Variants in SH3RF1 observed in about 807,000 individuals in gnomAD.
The protein encoded by SH3RF1 is SH3 domain containing ring finger 1, also known as E3 ubiquitin-protein ligase SH3RF1.
SH3RF1 carries 32 observed loss-of-function variants against 74.0 expected under a neutral mutation model. The ratio of observed to expected loss-of-function variants is 0.43; its 90% CI spans 0.33 to 0.58. The LOEUF (loss-of-function observed/expected upper bound fraction) is 0.58, where lower values mean the gene tolerates loss of function less well. SH3RF1 is among the 20% of genes least tolerant of loss of function. SH3RF1 has a pLI of 0.05. For synonymous variants in SH3RF1, 396 were observed against 439.6 expected, an observed-to-expected ratio of 0.90 and a Z score of 1.24; for missense variants, 954 against 1,130.9, an observed-to-expected ratio of 0.84 and a Z score of 2.24.
At chr4:169,107,476 A>G (rs1254968187) in intron 10 of SH3RF1, among the ~76,000 whole-genome samples, 1 of 152,164 alleles carries the variant, frequency 6.6e-6, no homozygotes, top group African/African-American at 2.4e-5. Context: ...TTTCTGCTAT[A>G]TATTTTTTTG....
intron 2 of SH3RF1, among the ~76,000 whole-genome samples, chr4:169,186,962 G>A (rs1289940913): frequency 2.0e-5 from 3 of 146,534 alleles, no homozygotes; most frequent in African/African-American, 5.0e-5. Flanking sequence ...TGCAGTGAGC[G>A]AAGATGGCAC....
chr4:169,139,314 C>T lies in SH3RF1; in HGVS notation c.766-2694G>A, dbSNP rs753163797. ...TACAAATGCAGAGAAATGATCTCTG[C>T]CCTTAAGGACCTTACAAACAGGCAT... On this transcript the variant is annotated intron_variant, in intron 4 of 11. Coordinates refer to ENST00000284637, the MANE Select transcript of SH3RF1 (RefSeq NM_020870.4). Among the ~76,000 whole-genome samples the T allele has an allele frequency of 6.6e-4, 101 of 152,138 alleles. 1 individual carries two copies. The highest frequency in any genetic ancestry group is 6.5e-4 in the Non-Finnish European group (44 of 68,028).
rs545099673 is a variant in SH3RF1 at position 169,228,806 on chromosome 4, C to A, written c.393+40014G>T. ...TACAGACTCACAGACATATACCACA[C>A]CCATACCCAAAAGTTTTTTAGATTT... is the stretch of plus-strand genomic sequence containing the variant. On this transcript the variant is annotated intron_variant, in intron 2 of 11. Coordinates refer to ENST00000284637, the MANE Select transcript of SH3RF1 (RefSeq NM_020870.4). 1.1e-4 allele frequency among the ~76,000 whole-genome samples: 16 copies of A among 152,238 alleles called. 1 individual carries two copies. In the South Asian group the frequency reaches 3.1e-3, roughly 30 times the overall value.
At chr4:169,106,056 T>A (rs545489595) in intron 11 of SH3RF1, among the ~76,000 whole-genome samples, 1 of 151,864 alleles carries the variant, frequency 6.6e-6, no homozygotes, top group Non-Finnish European at 1.5e-5. Flanking sequence ...TGTATATATA[T>A]GTAATGTAAA....
intron 2 of SH3RF1, among the ~76,000 whole-genome samples, chr4:169,167,418 C>T (rs1038052481): frequency 6.6e-6 from 1 of 152,126 alleles, no homozygotes; most frequent in African/African-American, 2.4e-5. Flanking sequence ...TGTACATTTA[C>T]TCTTCAATCT....
chr4:169,182,018 G>A (rs1035411567), intron 2 of SH3RF1, among the ~76,000 whole-genome samples: 3 of 152,038 alleles, frequency 2.0e-5, no homozygotes, highest in African/African-American at 7.2e-5. Flanking sequence ...TGTATCTTCA[G>A]GGTCTGGAGC....
intron 2 of SH3RF1, among the ~76,000 whole-genome samples, chr4:169,257,918 G>C (rs2110754745): frequency 6.6e-6 from 1 of 152,270 alleles, no homozygotes; most frequent in Admixed American, 6.5e-5. Flanking sequence ...CAGGCACAGT[G>C]TGGGCTTCTA....
chr4:169,141,923 C>T (rs1372040545), intron 4 of SH3RF1, among the ~76,000 whole-genome samples: 7 of 151,866 alleles, frequency 4.6e-5, no homozygotes, highest in East Asian at 1.9e-4. Flanking sequence ...CGTCATTCTC[C>T]GGCCTCAGCC....
intron 2 of SH3RF1, among the ~76,000 whole-genome samples, chr4:169,208,387 T>C (rs570544492): frequency 1.3e-5 from 2 of 152,220 alleles, no homozygotes; most frequent in South Asian, 4.1e-4. Context: ...AGTCTTGTAA[T>C]AGGCAAAGGA....
intron 2 of SH3RF1, among the ~76,000 whole-genome samples, chr4:169,172,589 G>C (rs1734348917): frequency 6.6e-6 from 1 of 152,188 alleles, no homozygotes; most frequent in Non-Finnish European, 1.5e-5. Flanking sequence ...ATGATTTAAG[G>C]AGATGTGTAT....
intron 2 of SH3RF1, among the ~76,000 whole-genome samples, chr4:169,258,997 G>A (rs781706966): frequency 1.3e-5 from 2 of 151,974 alleles, no homozygotes; most frequent in African/African-American, 2.4e-5. Context: ...CATTGCTACG[G>A]TATTATTTTG....
intron 2 of SH3RF1, 92 bp downstream of exon 2, chr4:169,268,728 G>T: frequency 7.2e-7 from 1 of 1,386,732 alleles, no homozygotes; most frequent in Non-Finnish European, 9.7e-7. Context: ...CCTAAGCAAT[G>T]AGTTGACTTC....
chr4:169,249,462 C>A (rs1373588747), intron 2 of SH3RF1, among the ~76,000 whole-genome samples: 1 of 152,120 alleles, frequency 6.6e-6, no homozygotes, highest in Admixed American at 6.5e-5. Context: ...TTCCCAGTCT[C>A]TAGAACTGTG....
chr4:169,178,519 C>A (rs1210250258), intron 2 of SH3RF1, among the ~76,000 whole-genome samples: 1 of 152,040 alleles, frequency 6.6e-6, no homozygotes, highest in Non-Finnish European at 1.5e-5. Context: ...GACTTGGGCC[C>A]AGACCTGGGT....
intron 2 of SH3RF1, among the ~76,000 whole-genome samples, chr4:169,192,115 AG>A (rs1384931730): frequency 1.2e-4 from 18 of 152,332 alleles, no homozygotes; most frequent in Admixed American, 5.2e-4. Context: ...GACAACCCAC[AG>A]AGTGGGAGAA....
At chr4:169,186,192 A>G (rs1240622131) in intron 2 of SH3RF1, among the ~76,000 whole-genome samples, 2 of 152,192 alleles carry the variant, frequency 1.3e-5, no homozygotes, top group Non-Finnish European at 2.9e-5. Flanking sequence ...TTCTAAATAG[A>G]GAGTATGGTA....
At chr4:169,121,950 C>A (rs189218514) in intron 7 of SH3RF1, 150 bp downstream of exon 7, 18 of 938,984 alleles carry the variant, frequency 1.9e-5, no homozygotes, top group Middle Eastern at 3.6e-4. Context: ...TAGTTACATG[C>A]ATGACCAGGT....
At chr4:169,205,411 A>G (rs2126992753) in intron 2 of SH3RF1, among the ~76,000 whole-genome samples, 1 of 152,364 alleles carries the variant, frequency 6.6e-6, no homozygotes, top group African/African-American at 2.4e-5. Context: ...ATAAGGTAGT[A>G]ATAAGCATGG....
chr4:169,209,125 C>T (rs1473430040), intron 2 of SH3RF1, among the ~76,000 whole-genome samples: 1 of 151,916 alleles, frequency 6.6e-6, no homozygotes, highest in African/African-American at 2.4e-5. Flanking sequence ...CCCATCTCTA[C>T]TAAAAATACA....
Sources: gnomAD v4.1 joint callset for allele counts (sites outside exome capture counted in the v4.1 genomes callset) on GRCh38, gnomAD v4.1.1 for gene constraint, MANE v1.5 for transcripts, NCBI Gene and HGNC (gene_info 2026-07-23, HGNC 2026-07-21) for gene names.